Variants in HMGB1 observed in about 807,000 individuals in gnomAD.
HMGB1 encodes high mobility group protein B1.
For missense variants in HMGB1, 79 were observed against 253.5 expected (o/e 0.31, Z 4.67); for synonymous variants, 81 against 84.0 (o/e 0.96, Z 0.19).
chr13:30,605,336 T>G (rs1440419687), intron 1 of HMGB1, among the ~76,000 whole-genome samples: 1 of 151,982 alleles, frequency 6.6e-6, no homozygotes, highest in Non-Finnish European at 1.5e-5. Context: ...TACAACAGGA[T>G]AAGGTGATTT....
intron 1 of HMGB1, among the ~76,000 whole-genome samples, chr13:30,476,118 C>CTTTTTTTTTTTT (rs71093065): frequency 1.8e-5 from 2 of 109,494 alleles, no homozygotes; most frequent in Non-Finnish European, 3.7e-5. Context: ...GTGGCATGTA[C>CTTTTTTTTTTTT]TTTTTTTTTT....
chr13:30,500,296 C>G (rs7327038), intron 1 of HMGB1, among the ~76,000 whole-genome samples: 125,862 of 152,178 alleles, frequency 0.83, 56,957 homozygotes, highest in East Asian at 1. Context: ...TGTAAATTAC[C>G]GAGTCTCAGG....
In HMGB1 at chr13:30,475,133, TC is replaced by T. The variant is rs1887056860; in HGVS notation, c.-14-11440del. Among the ~76,000 whole-genome samples, 5 of 67,350 alleles carry T rather than the reference TC, an allele frequency of 7.4e-5. 1 individual carries two copies. The highest frequency in any genetic ancestry group is 1.3e-4 in the Non-Finnish European group (4 of 30,812). The allele number at this position is 67,350 out of a possible 152,430, so 44.2% of individuals were successfully genotyped here. A position where few individuals can be genotyped will look rare whatever the true frequency, so the allele number is the denominator to read the frequency against. On this transcript the variant is annotated intron_variant, in intron 1 of 4. Coordinates refer to the HMGB1 transcript ENST00000405805. ...TTGGCTCACTGTCTCTCTCTCTCTCTCTCTCTTTTTTTTTTTTTTTTTTTTT... is the reference window on the plus strand; with the variant it reads ...TTGGCTCACTGTCTCTCTCTCTCTCTTCTCTTTTTTTTTTTTTTTTTTTTT...
intron 1 of HMGB1, among the ~76,000 whole-genome samples, chr13:30,588,638 C>T (rs1014306616): frequency 3.9e-5 from 6 of 152,222 alleles, no homozygotes; most frequent in Non-Finnish European, 7.4e-5. Context: ...ACAATTAGGC[C>T]GGGTGCAGCG....
Position 30,464,173 on chromosome 13 carries a change from G to A in HMGB1, c.-14-479C>T, listed in dbSNP as rs535164156. Reference sequence around the variant, plus strand: ...AAAAAAAAATCACCGTGCACCGAAAGTTTCAAAAAACACCCTCTTTGCATA... The same window carrying A: ...AAAAAAAAATCACCGTGCACCGAAAATTTCAAAAAACACCCTCTTTGCATA... On this transcript the variant is annotated intron_variant, in intron 1 of 4. Coordinates refer to ENST00000341423, the MANE Select transcript of HMGB1 (RefSeq NM_002128.7). 5 of 984,818 alleles carry A rather than the reference G, an allele frequency of 5.1e-6. No individual in the cohort carries two copies. The East Asian group carries it at 3.4e-4, about 67-fold the overall frequency. 61.0% of individuals were successfully genotyped at this position (984,818 alleles called of 1,614,324 possible).
rs1886023335 is a variant in HMGB1, at chr13:30,457,108, C to T, written c.*4249G>A. The stretch of plus-strand genomic sequence containing the variant: ...GAGTACATAATTTACAAGGATCTCT[C>T]TAATCCCTTTTCCACTTATTTTTAA... On this transcript the variant is annotated 3_prime_UTR_variant, in exon 5 of 5. Transcript: ENST00000341423. 1 of 152,194 alleles carries T rather than the reference C, an allele frequency of 6.6e-6. No homozygotes were observed. Among genetic ancestry groups the T allele is most frequent in the Admixed American group, 6.5e-5 (1 of 15,284 alleles). 9.4% of individuals were successfully genotyped at this position (152,194 alleles called of 1,614,324 possible).
rs373509152 is a variant in HMGB1, at chr13:30,594,244, C to T, written c.-15+22427G>A. 4.6e-5 allele frequency among the ~76,000 whole-genome samples: 7 copies of T among 152,100 alleles called. No individual in the cohort carries two copies. The East Asian group carries it at 7.7e-4, about 17-fold the overall frequency. ...TTCAGCTTTTTAAAATTTTAGATTC[C>T]GGGGATACACGTGCAGTTATTACTT... On this transcript the variant is annotated intron_variant, in intron 1 of 4. Transcript: ENST00000405805.
At position 30,538,451 on chromosome 13, in the gene HMGB1, A is replaced by ATTCTTTCT. The variant is rs760828749; in HGVS notation, c.-14-74765_-14-74758dup. Among the ~76,000 whole-genome samples the ATTCTTTCT allele has an allele frequency of 5.8e-3, 523 of 90,630 alleles. 56 individuals carry two copies. Among genetic ancestry groups the ATTCTTTCT allele is most frequent in the African/African-American group, 0.021 (371 of 17,708 alleles). The allele number at this position is 90,630 out of a possible 152,430, so 59.5% of individuals were successfully genotyped here. On this transcript the variant is annotated intron_variant, in intron 1 of 4. Transcript: ENST00000405805. The stretch of plus-strand genomic sequence containing the variant: ...ACCACTGCAGTAACTAGTACTAGCA[A>ATTCTTTCT]TTCTTTCTTTCTTTCTTTCTTTCTT...
chr13:30,543,394 T>G (rs1004051803), intron 1 of HMGB1: 4 of 153,198 alleles, frequency 2.6e-5, no homozygotes, highest in African/African-American at 9.7e-5. Context: ...CCCAAAGTGC[T>G]GGGATGGACA....
chr13:30,462,323 A>G (rs1289152595), intron 4 of HMGB1: 1 of 585,560 alleles, frequency 1.7e-6, no homozygotes, highest in Non-Finnish European at 3.1e-6. Flanking sequence ...CAAAACCAAC[A>G]TAAATGTACA....
At chr13:30,473,812 G>T (rs1254522239) in intron 1 of HMGB1, among the ~76,000 whole-genome samples, 1 of 152,188 alleles carries the variant, frequency 6.6e-6, no homozygotes, top group African/African-American at 2.4e-5. Flanking sequence ...AATCTTCATA[G>T]CAGCAGCATT....
intron 1 of HMGB1, among the ~76,000 whole-genome samples, chr13:30,604,855 T>G (rs1950440306): frequency 6.6e-6 from 1 of 152,150 alleles, no homozygotes; most frequent in Non-Finnish European, 1.5e-5. Flanking sequence ...AGACAGGGTT[T>G]CACCATGTTA....
rs557248199 is a variant in HMGB1, at chr13:30,502,954, G to A, written c.-14-39260C>T. On this transcript the variant is annotated intron_variant, in intron 1 of 4. Coordinates refer to the HMGB1 transcript ENST00000405805. ...CAAAGTGCTGGGATTGCAGGCGTGA[G>A]CCATGGCGTCCGGCCTTAGTCTCCA... Among the ~76,000 whole-genome samples the A allele has an allele frequency of 2.0e-5, 3 of 152,228 alleles. No homozygotes were observed. In the South Asian group the frequency reaches 6.2e-4, roughly 32 times the overall value.
chr13:30,528,794 C>T (rs902130235), intron 1 of HMGB1, among the ~76,000 whole-genome samples: 3 of 151,816 alleles, frequency 2.0e-5, no homozygotes, highest in Non-Finnish European at 4.4e-5. Context: ...TTTGGGAGAC[C>T]GAGGTGGGCT....
intron 1 of HMGB1, among the ~76,000 whole-genome samples, chr13:30,486,750 T>C (rs1392531774): frequency 6.6e-6 from 1 of 151,874 alleles, no homozygotes; most frequent in Non-Finnish European, 1.5e-5. Context: ...TGCCAAGACC[T>C]CCAGGGAAGT....
At chr13:30,550,132 T>C (rs1047645350) in intron 1 of HMGB1, among the ~76,000 whole-genome samples, 7 of 152,228 alleles carry the variant, frequency 4.6e-5, no homozygotes, top group Admixed American at 4.6e-4. Flanking sequence ...TAAAATCCTA[T>C]ATTTTCCTTA....
exon 1 of HMGB1, chr13:30,616,759 T>A (rs1950568762): frequency 6.6e-6 from 1 of 152,210 alleles, no homozygotes; most frequent in Non-Finnish European, 1.5e-5. Flanking sequence ...AAATCCTTTT[T>A]ACTAAATAAT....
At chr13:30,483,382 C>G (rs1245904991) in intron 1 of HMGB1, among the ~76,000 whole-genome samples, 1 of 152,078 alleles carries the variant, frequency 6.6e-6, no homozygotes, top group Admixed American at 6.6e-5. Flanking sequence ...CCGCAACCAG[C>G]AAACCCTCCA....
intron 1 of HMGB1, among the ~76,000 whole-genome samples, chr13:30,511,502 C>T (rs1206136005): frequency 6.6e-6 from 1 of 152,168 alleles, no homozygotes; most frequent in African/African-American, 2.4e-5. Flanking sequence ...ATGCTGGTGC[C>T]ATGCTTTTTA....
Sources: allele counts gnomAD v4.1 joint callset (sites outside exome capture counted in the v4.1 genomes callset), GRCh38; gene constraint gnomAD v4.1.1; transcripts MANE v1.5; gene names NCBI Gene and HGNC (gene_info 2026-07-23, HGNC 2026-07-21).